NAPB: variants seen among roughly 807,000 people sequenced by gnomAD.
NAPB encodes NSF attachment protein beta.
Under a neutral mutation model 44.7 loss-of-function variants are expected in NAPB, and 26 were observed. The ratio of observed to expected loss-of-function variants is 0.58; its 90% CI spans 0.43 to 0.81. NAPB has a LOEUF of 0.81. Ranked by LOEUF, NAPB falls within the 30% of genes least tolerant of loss-of-function variation. NAPB has a pLI of 0.00. For synonymous variants in NAPB, 120 were observed against 116.8 expected, an observed-to-expected ratio of 1.03 and a Z score of -0.18; for missense variants, 315 against 356.4, an observed-to-expected ratio of 0.88 and a Z score of 0.94.
At chr20:23,386,539 C>T (rs775065502) in intron 7 of NAPB, among the ~76,000 whole-genome samples, 5 of 152,168 alleles carry the variant, frequency 3.3e-5, no homozygotes, top group Non-Finnish European at 7.4e-5. Context: ...AAATCCTCAA[C>T]AAAATGTTAG....
In NAPB at chr20:23,379,460, T is replaced by C. The variant is rs1446831801; in HGVS notation, c.771A>G (p.Glu257=). 6.2e-7 allele frequency: 1 copy of C among 1,607,698 alleles called. No homozygotes were observed. Among genetic ancestry groups the C allele is most frequent in the Non-Finnish European group, 8.5e-7 (1 of 1,178,326 alleles). The change falls in exon 10 of 11, where the codon GAA becomes GAG. Residue 257 remains glutamate (E), a synonymous_variant. Transcript: ENST00000377026. ...CATAACTTACTGCTTCAGTGTAAGC[T>C]TCACTGTTCTGTTCTTCATGAGCTT... ...LLEAHEEQNS[E]AYTEAVKEFD... is the part of the protein sequence containing the mutation.
chr20:23,390,096 C>T (rs1983838738), intron 6 of NAPB, 66 bp from the exon 7 acceptor site: 1 of 1,537,846 alleles, frequency 6.5e-7, no homozygotes, highest in Non-Finnish European at 9.0e-7. Flanking sequence ...GTGCACTGGG[C>T]CTCAGTACAT....
chr20:23,392,578 A>T (rs1475683256), intron 5 of NAPB, among the ~76,000 whole-genome samples: 1 of 152,054 alleles, frequency 6.6e-6, no homozygotes, highest in Non-Finnish European at 1.5e-5. Context: ...AGGTGGGAGG[A>T]TCGCTTGAGC....
At chr20:23,394,585 C>T (rs983755905) in intron 5 of NAPB, among the ~76,000 whole-genome samples, 1 of 152,176 alleles carries the variant, frequency 6.6e-6, no homozygotes, top group Non-Finnish European at 1.5e-5. Flanking sequence ...ACTGAGTGTA[C>T]AGAGGTGACC....
intron 1 of NAPB, among the ~76,000 whole-genome samples, chr20:23,418,253 G>C (rs533184673): frequency 1.8e-3 from 281 of 152,324 alleles, no homozygotes; most frequent in Non-Finnish European, 3.1e-3. Flanking sequence ...GTCTGACATA[G>C]AGATGGATTA....
chr20:23,397,125 G>C lies in NAPB; in HGVS notation c.242C>G (p.Ser81Cys). The change falls in exon 3 of 11, where the codon TCT becomes TGT. Residue 81 changes from serine to cysteine, a missense_variant. Ser to Cys is a moderately radical substitution (Grantham distance 112, BLOSUM62 -1). Transcript: ENST00000377026. ...TCCAGCATCCACAAAGCTGGTAGCA[G>C]AGTCATGTTTGCTCTGAAGCTGCAT... ...LHMQLQSKHDSATSFVDAGNA... is the reference protein window; with the variant it reads ...LHMQLQSKHDCATSFVDAGNA... The C allele has an allele frequency of 6.2e-7, 1 of 1,613,862 alleles. No individual in the cohort carries two copies. Among genetic ancestry groups the C allele is most frequent in the Non-Finnish European group, 8.5e-7 (1 of 1,179,770 alleles).
At chr20:23,412,652 A>G (rs1293198020) in intron 1 of NAPB, among the ~76,000 whole-genome samples, 2 of 152,204 alleles carry the variant, frequency 1.3e-5, no homozygotes, top group Non-Finnish European at 2.9e-5. Flanking sequence ...AAAGACAGAG[A>G]CAATATAATC....
At chr20:23,414,401 G>C (rs1369710082) in intron 1 of NAPB, among the ~76,000 whole-genome samples, 1 of 152,172 alleles carries the variant, frequency 6.6e-6, no homozygotes, top group Non-Finnish European at 1.5e-5. Flanking sequence ...GTTTACTCCA[G>C]GAGTGCGAGG....
chr20:23,389,228 ATTT>A (rs1568607546), intron 7 of NAPB, among the ~76,000 whole-genome samples: 3 of 105,400 alleles, frequency 2.8e-5, no homozygotes, highest in Non-Finnish European at 5.5e-5. Context: ...GGTGACTATT[ATTT>A]AAAAAAAAAA....
At chr20:23,418,312 T>C (rs977574172) in intron 1 of NAPB, among the ~76,000 whole-genome samples, 32 of 152,080 alleles carry the variant, frequency 2.1e-4, no homozygotes, top group African/African-American at 7.0e-4. Flanking sequence ...GGAATGAAAA[T>C]GGTGACATTC....
chr20:23,390,345 C>T, intron 5 of NAPB, 81 bp from the exon 6 acceptor site: 1 of 1,201,348 alleles, frequency 8.3e-7, no homozygotes, highest in Non-Finnish European at 1.2e-6. Context: ...GGTATTTTTC[C>T]ATAAATAAAC....
chr20:23,416,614 A>G (rs1463744266), intron 1 of NAPB, among the ~76,000 whole-genome samples: 1 of 151,740 alleles, frequency 6.6e-6, no homozygotes, highest in East Asian at 1.9e-4. Context: ...TTATAAAAAT[A>G]ATTGTTCAAT....
intron 8 of NAPB, 71 bp downstream of exon 8, chr20:23,381,142 C>T (rs981334082): frequency 2.9e-6 from 3 of 1,037,808 alleles, no homozygotes; most frequent in African/African-American, 3.2e-5. Context: ...GAAATGATAC[C>T]AAGAACAAGA....
At position 23,377,303 on chromosome 20, in the gene NAPB, TCC is replaced by T. The variant is rs1021740340; in HGVS notation, c.*71_*72del. The T allele has an allele frequency of 1.1e-6, 1 of 898,960 alleles. No homozygotes were observed. Among genetic ancestry groups the T allele is most frequent in the African/African-American group, 1.7e-5 (1 of 60,222 alleles). 55.7% of individuals were successfully genotyped at this position (898,960 alleles called of 1,614,324 possible). On this transcript the variant is annotated 3_prime_UTR_variant, in exon 11 of 11. Transcript: ENST00000377026. Reference sequence around the variant, plus strand: ...ACAAAATTAAGCCATTAAATAGGCATCCCATAAAGATCACTTGACCCTAAGAC... The same window carrying T: ...ACAAAATTAAGCCATTAAATAGGCATCATAAAGATCACTTGACCCTAAGAC...
At position 23,416,237 on chromosome 20, in the gene NAPB, T is replaced by G. The variant is rs77606130; in HGVS notation, c.98+5068A>C. On this transcript the variant is annotated intron_variant, in intron 1 of 10. Coordinates refer to ENST00000377026, the MANE Select transcript of NAPB (RefSeq NM_022080.3). ...TCCCTCTCTCCAGAGTAACTGCACC[T>G]CACAGAGCTCACAAGAATGAAAGAA... Among the ~76,000 whole-genome samples the G allele has an allele frequency of 6.1e-3, 923 of 152,040 alleles. 22 individuals are homozygous for G. The East Asian group carries it at 0.093, about 15-fold the overall frequency.
chr20:23,418,725 C>T (rs1455301522), intron 1 of NAPB, among the ~76,000 whole-genome samples: 1 of 150,366 alleles, frequency 6.7e-6, no homozygotes, highest in African/African-American at 2.5e-5. Flanking sequence ...ATCACGAGGT[C>T]AGGCATTCGA....
chr20:23,403,721 G>C (rs1026897759), intron 1 of NAPB, among the ~76,000 whole-genome samples: 2 of 152,066 alleles, frequency 1.3e-5, no homozygotes, highest in Non-Finnish European at 2.9e-5. Flanking sequence ...ATAAAAGCTG[G>C]AAGTTTTATA....
At chr20:23,419,466 A>C (rs1176936423) in intron 1 of NAPB, among the ~76,000 whole-genome samples, 4 of 152,194 alleles carry the variant, frequency 2.6e-5, no homozygotes, top group Non-Finnish European at 5.9e-5. Context: ...TCCCAAAAGG[A>C]GTGTTCTCCT....
chr20:23,394,912 C>T lies in NAPB; in HGVS notation c.420+10G>A. The T allele has an allele frequency of 6.2e-7, 1 of 1,612,838 alleles. No individual in the cohort carries two copies. ...TGCTTCACATCTGAGGAAGTGTGCC[C>T]ACTGCTTACCTTCTCAATGTCTACA... On this transcript the variant is annotated intron_variant, in intron 5 of 10. Transcript: ENST00000377026.
Sources: allele counts gnomAD v4.1 joint callset (sites outside exome capture counted in the v4.1 genomes callset), GRCh38; gene constraint gnomAD v4.1.1; transcripts MANE v1.5; gene names NCBI Gene and HGNC (gene_info 2026-07-23, HGNC 2026-07-21).